KHDRBS2: variants seen among roughly 807,000 people sequenced by gnomAD.
The protein encoded by KHDRBS2 is KH RNA binding domain containing, signal transduction associated 2, also known as KH domain-containing, RNA-binding, signal transduction-associated protein 2.
Under a neutral mutation model 44.3 loss-of-function variants are expected in KHDRBS2, and 26 were observed. That is an observed-to-expected ratio of 0.59 (90% CI 0.43 to 0.81). The LOEUF (loss-of-function observed/expected upper bound fraction) is 0.81, where lower values mean the gene tolerates loss of function less well. KHDRBS2 is among the 40% of genes least tolerant of loss of function. The pLI, the probability that KHDRBS2 is intolerant of heterozygous loss-of-function variation, is 0.00. For synonymous variants in KHDRBS2, 194 were observed against 151.1 expected (o/e 1.28, Z -2.08); for missense variants, 476 against 433.1 (o/e 1.10, Z -0.88).
At chr6:62,081,241 C>T (rs539518149) in intron 2 of KHDRBS2, among the ~76,000 whole-genome samples, 4 of 151,864 alleles carry the variant, frequency 2.6e-5, no homozygotes, top group African/African-American at 4.8e-5. Flanking sequence ...AGATACAGTA[C>T]AATAATCGGA....
chr6:61,589,369 C>T, the KHDRBS2 span, among the ~76,000 whole-genome samples: 2 of 152,142 alleles, frequency 1.3e-5, no homozygotes, highest in South Asian at 2.1e-4. Context: ...TCACTAAGGA[C>T]ACCTTTTGGG....
intron 6 of KHDRBS2, among the ~76,000 whole-genome samples, chr6:61,757,652 T>C (rs1366799798): frequency 6.6e-6 from 1 of 152,248 alleles, no homozygotes; most frequent in East Asian, 1.9e-4. Context: ...TGTTCTTCCG[T>C]TTTTCCTCTT....
intron 7 of KHDRBS2, among the ~76,000 whole-genome samples, chr6:61,703,253 C>G (rs1013697364): frequency 6.6e-6 from 1 of 151,578 alleles, no homozygotes; most frequent in Non-Finnish European, 1.5e-5. Context: ...AAGTATACAG[C>G]CAACTTTTGC....
At chr6:61,650,561 T>A in the KHDRBS2 span, among the ~76,000 whole-genome samples, 1 of 152,116 alleles carries the variant, frequency 6.6e-6, no homozygotes, top group African/African-American at 2.4e-5. Flanking sequence ...GGGTTAACGA[T>A]GTTATTATCT....
At chr6:61,965,422 T>C (rs541802094) in intron 4 of KHDRBS2, among the ~76,000 whole-genome samples, 183 of 152,146 alleles carry the variant, frequency 1.2e-3, no homozygotes, top group Middle Eastern at 3.4e-3. Context: ...AAAAGTCAAG[T>C]TGGGTTTGGA....
rs192551326 is a variant in KHDRBS2 at position 62,252,925 on chromosome 6, T to C, written c.91+32933A>G. Among the ~76,000 whole-genome samples the C allele has an allele frequency of 1.0e-3, 157 of 152,072 alleles. 1 individual carries two copies. The highest frequency in any genetic ancestry group is 3.5e-3 in the African/African-American group (146 of 41,536). On this transcript the variant is annotated intron_variant, in intron 1 of 8. Transcript: ENST00000281156. ...AATAGAAACTGCATGTAAATTATGA[T>C]CATAACTATAAAAAACCCAAGTTAT...
intron 1 of KHDRBS2, among the ~76,000 whole-genome samples, chr6:62,183,557 T>C (rs1292244032): frequency 4.0e-5 from 6 of 151,638 alleles, no homozygotes; most frequent in Admixed American, 4.0e-4. Flanking sequence ...TTACAATATG[T>C]GCAAAAAGAA....
At chr6:62,271,435 C>A (rs1284335461) in intron 1 of KHDRBS2, among the ~76,000 whole-genome samples, 1 of 152,104 alleles carries the variant, frequency 6.6e-6, no homozygotes, top group African/African-American at 2.4e-5. Context: ...AAATGTGTTA[C>A]TATTTTATGT....
At chr6:61,945,108 A>ATGTAT (rs1812982313) in intron 4 of KHDRBS2, among the ~76,000 whole-genome samples, 6 of 54,986 alleles carry the variant, frequency 1.1e-4, no homozygotes, top group African/African-American at 1.9e-4. Flanking sequence ...AAAAAAAAAA[A>ATGTAT]AAAAGTATAT....
chr6:62,266,541 A>T (rs933540179), intron 1 of KHDRBS2, among the ~76,000 whole-genome samples: 2 of 152,098 alleles, frequency 1.3e-5, no homozygotes, highest in Non-Finnish European at 2.9e-5. Context: ...AATAAATTCT[A>T]TGTGGGCTCC....
rs1345350330 is a variant in KHDRBS2 at position 61,682,132 on chromosome 6, G to T, written c.953-1072C>A. Reference sequence around the variant, plus strand: ...AATGTAGGGCATTTGCCCCCAGATAGTTCCTCCGATCATAAGAATTAGTTG... The same window carrying T: ...AATGTAGGGCATTTGCCCCCAGATATTTCCTCCGATCATAAGAATTAGTTG... On this transcript the variant is annotated intron_variant, in intron 8 of 8. Coordinates refer to ENST00000281156, the MANE Select transcript of KHDRBS2 (RefSeq NM_152688.4). Among the ~76,000 whole-genome samples the T allele has an allele frequency of 2.6e-5, 4 of 151,908 alleles. No homozygotes were observed. The South Asian group carries it at 8.3e-4, about 31-fold the overall frequency.
At chr6:61,855,724 T>C (rs1796061233) in intron 6 of KHDRBS2, among the ~76,000 whole-genome samples, 2 of 151,976 alleles carry the variant, frequency 1.3e-5, no homozygotes, top group South Asian at 2.1e-4. Context: ...TCCAGGGTAC[T>C]CAATGTCCTG....
chr6:61,717,425 C>A (rs986464935), intron 7 of KHDRBS2, among the ~76,000 whole-genome samples: 22 of 151,910 alleles, frequency 1.4e-4, no homozygotes, highest in Non-Finnish European at 2.9e-4. Context: ...AATATCAAAC[C>A]TACTGTTTAT....
intron 1 of KHDRBS2, among the ~76,000 whole-genome samples, chr6:62,218,265 T>G (rs1189393838): frequency 6.6e-6 from 1 of 151,874 alleles, no homozygotes; most frequent in Non-Finnish European, 1.5e-5. Context: ...AAAACACGAT[T>G]AAAGTGATTT....
At chr6:61,876,961 T>C (rs1366758102) in intron 6 of KHDRBS2, among the ~76,000 whole-genome samples, 1 of 152,068 alleles carries the variant, frequency 6.6e-6, no homozygotes, top group Non-Finnish European at 1.5e-5. Context: ...TACATTAGAC[T>C]GGGAGTTGGC....
chr6:61,954,933 C>CAT (rs1341707549), intron 4 of KHDRBS2, among the ~76,000 whole-genome samples: 1 of 96,206 alleles, frequency 1.0e-5, no homozygotes, highest in Non-Finnish European at 2.5e-5. Flanking sequence ...TATACACATA[C>CAT]ATATGTATGT....
At chr6:61,819,668 C>G (rs1303278462) in intron 6 of KHDRBS2, among the ~76,000 whole-genome samples, 1 of 151,858 alleles carries the variant, frequency 6.6e-6, no homozygotes, top group Non-Finnish European at 1.5e-5. Context: ...ATATTGTTTT[C>G]AATATTAGAG....
At chr6:62,062,301 C>G (rs992195008) in intron 2 of KHDRBS2, among the ~76,000 whole-genome samples, 4 of 145,324 alleles carry the variant, frequency 2.8e-5, no homozygotes, top group Admixed American at 2.1e-4. Context: ...ACAGAACTTT[C>G]CACCCCAAAT....
At chr6:62,105,566 G>C (rs1803010933) in intron 2 of KHDRBS2, among the ~76,000 whole-genome samples, 1 of 152,276 alleles carries the variant, frequency 6.6e-6, no homozygotes, top group South Asian at 2.1e-4. Context: ...TATTTGCGTA[G>C]AGGTGTTTGT....
Sources: gnomAD v4.1 joint callset for allele counts (sites outside exome capture counted in the v4.1 genomes callset) on GRCh38, gnomAD v4.1.1 for gene constraint, MANE v1.5 for transcripts, NCBI Gene and HGNC (gene_info 2026-07-23, HGNC 2026-07-21) for gene names.